ANKMY1: variants seen among roughly 807,000 people sequenced by gnomAD.
ANKMY1 encodes ankyrin repeat and MYND domain-containing protein 1.
In ANKMY1, 98 loss-of-function variants were observed where a neutral mutation model predicts 102.0. The ratio of observed to expected loss-of-function variants is 0.96; its 90% CI spans 0.82 to 1.14. The LOEUF is 1.14. Ranked by LOEUF, ANKMY1 falls within the 50% of genes most tolerant of loss-of-function variation. The probability of loss-of-function intolerance (pLI) is 0.00; values close to 1 mark genes in which losing one functional copy is unlikely to be tolerated. For synonymous variants in ANKMY1, 582 were observed against 559.9 expected (o/e 1.04, Z -0.56); for missense variants, 1,330 against 1,347.6 (o/e 0.99, Z 0.20).
intron 4 of ANKMY1, among the ~76,000 whole-genome samples, chr2:240,536,256 A>G (rs529486719): frequency 6.6e-6 from 1 of 152,358 alleles, no homozygotes; most frequent in African/African-American, 2.4e-5. Flanking sequence ...TAGAATATCA[A>G]TAAGTGAGAA....
chr2:240,557,505 G>T (rs1455414004), intron 1 of ANKMY1, 153 bp from the exon 2 acceptor site: 1 of 813,260 alleles, frequency 1.2e-6, no homozygotes, highest in African/African-American at 1.8e-5. Flanking sequence ...CACAGGTCCC[G>T]GACCACCATC....
chr2:240,507,993 C>T (rs1020270452), intron 12 of ANKMY1, among the ~76,000 whole-genome samples: 3 of 152,228 alleles, frequency 2.0e-5, no homozygotes, highest in Non-Finnish European at 2.9e-5. Flanking sequence ...GATTCTCCAG[C>T]GTGGTTCCCA....
the ANKMY1 span, among the ~76,000 whole-genome samples, chr2:240,468,939 G>A: frequency 6.6e-6 from 1 of 152,188 alleles, no homozygotes; most frequent in African/African-American, 2.4e-5. Context: ...GGTAGCCACG[G>A]TCCTCACTTG....
intron 14 of ANKMY1, 63 bp downstream of exon 14, chr2:240,500,389 A>G (rs1177779927): frequency 6.7e-7 from 1 of 1,502,016 alleles, no homozygotes; most frequent in African/African-American, 1.4e-5. Context: ...CTAATGCCCC[A>G]GCCGGGGGCC....
In ANKMY1 at chr2:240,512,823, G is replaced by A. The variant is rs199599373; in HGVS notation, c.2124C>T (p.Asp708=). Residue 708 remains aspartate, a synonymous_variant, in exon 10 of 18, where the codon GAC becomes GAT. Transcript: ENST00000401804. ...ACACCTTGCCGGGCTTGTAAGTGTC[G>A]TCCTCGTCGGATGCCTTGGCGTCCA... ...TDVDAKASDE[D]DTYKPGKLDL... is the part of the protein sequence containing the mutation. The A allele has an allele frequency of 4.6e-5, 75 of 1,613,966 alleles. No individual in the cohort carries two copies. The African/African-American group carries it at 5.1e-4, about 11-fold the overall frequency.
intron 9 of ANKMY1, among the ~76,000 whole-genome samples, chr2:240,517,502 G>A (rs2081391712): frequency 2.6e-5 from 4 of 152,130 alleles, no homozygotes. Context: ...GCCAACTTAG[G>A]ATAGCCTGTA....
At chr2:240,550,066 C>T (rs1490150880) in intron 4 of ANKMY1, among the ~76,000 whole-genome samples, 5 of 151,762 alleles carry the variant, frequency 3.3e-5, no homozygotes, top group South Asian at 4.2e-4. Flanking sequence ...CACATGCACA[C>T]GTATGTTTAT....
chr2:240,469,075 G>A, the ANKMY1 span, among the ~76,000 whole-genome samples: 13 of 152,190 alleles, frequency 8.5e-5, no homozygotes, highest in Non-Finnish European at 1.6e-4. Context: ...GGGGACAGGT[G>A]AGCAGCCAGA....
the ANKMY1 span, among the ~76,000 whole-genome samples, chr2:240,472,304 CAG>C: frequency 3.3e-5 from 5 of 151,582 alleles, no homozygotes; most frequent in Admixed American, 2.0e-4. Flanking sequence ...TACAACTGCA[CAG>C]GCTGAAGGAG....
At chr2:240,538,984 A>T (rs1234193201) in intron 4 of ANKMY1, among the ~76,000 whole-genome samples, 3 of 152,184 alleles carry the variant, frequency 2.0e-5, no homozygotes, top group Non-Finnish European at 4.4e-5. Flanking sequence ...CAGGGATTGT[A>T]AACGCACCAA....
intron 15 of ANKMY1, among the ~76,000 whole-genome samples, chr2:240,486,707 T>C (rs893562490): frequency 2.0e-5 from 3 of 152,154 alleles, no homozygotes; most frequent in African/African-American, 7.2e-5. Context: ...AGAGACTGGG[T>C]CTCACCATGT....
intron 5 of ANKMY1, chr2:240,527,440 G>A (rs1418982326): frequency 2.2e-5 from 2 of 88,972 alleles, no homozygotes; most frequent in East Asian, 6.4e-4. Context: ...TAGATGGGTA[G>A]ATGAATGGAT....
At position 240,529,160 on chromosome 2, in the gene ANKMY1, T is replaced by C. The variant is rs1008005713; in HGVS notation, c.830A>G (p.Lys277Arg). The change falls in exon 5 of 18, where the codon AAA becomes AGA. Residue 277 changes from lysine (K) to arginine (R), a missense_variant. Transcript: ENST00000401804. The surrounding 1 kb of genome is among the most constrained non-coding windows in gnomAD (Gnocchi z 4.2). ...GAGGAAGATGCGGGCGTCCAGCTCT[T>C]TGCGGAAAGAGCTTGTCATGGGCAG... is the stretch of plus-strand genomic sequence containing the variant. Reference protein sequence around the residue: ...DHLPMTSSFRKELDARIFLNE... With the variant: ...DHLPMTSSFRRELDARIFLNE... 4.0e-5 allele frequency: 65 copies of C among 1,614,218 alleles called. No homozygotes were observed. The highest frequency in any genetic ancestry group is 5.4e-5 in the Non-Finnish European group (64 of 1,180,042).
rs150083045 is a variant in ANKMY1, at chr2:240,538,075, T to C, written c.481-8566A>G. Among the ~76,000 whole-genome samples the C allele has an allele frequency of 1.3e-4, 20 of 152,368 alleles. No homozygotes were observed. The East Asian group carries it at 3.1e-3, about 24-fold the overall frequency. Reference sequence around the variant, plus strand: ...TTGCTCAATTAAACTCCTTTAAATTTAATTTGGCTTAAGTTTTTCTTTTAA... The same window carrying C: ...TTGCTCAATTAAACTCCTTTAAATTCAATTTGGCTTAAGTTTTTCTTTTAA... On this transcript the variant is annotated intron_variant, in intron 4 of 17. Coordinates refer to ENST00000401804, the MANE Select transcript of ANKMY1 (RefSeq NM_001282771.3).
chr2:240,552,747 T>C lies in ANKMY1; in HGVS notation c.480+167A>G, dbSNP rs1220991830. On this transcript the variant is annotated intron_variant, in intron 4 of 17. Transcript: ENST00000401804. ...GGAATAAAATGCAAGGAGGCTTTTA[T>C]TTTCAGTCTATATCCTTATTATTGG... The C allele has an allele frequency of 3.8e-5, 42 of 1,093,998 alleles. No individual in the cohort carries two copies. The Middle Eastern group carries it at 1.0e-3, about 26-fold the overall frequency. The allele number at this position is 1,093,998 out of a possible 1,614,324, so 67.8% of individuals were successfully genotyped here. A position where few individuals can be genotyped will look rare whatever the true frequency, so the allele number is the denominator to read the frequency against.
chr2:240,548,055 A>C (rs2090776455), intron 4 of ANKMY1, among the ~76,000 whole-genome samples: 1 of 152,198 alleles, frequency 6.6e-6, no homozygotes, highest in Non-Finnish European at 1.5e-5. Flanking sequence ...GCAGAGACAC[A>C]ACCAAAAAAG....
downstream of ANKMY1, among the ~76,000 whole-genome samples, chr2:240,479,190 C>T (rs1361018613): frequency 6.6e-6 from 1 of 152,220 alleles, no homozygotes; most frequent in Non-Finnish European, 1.5e-5. Flanking sequence ...GTGGAGCCTG[C>T]TGCCGCGGGC....
rs34916770 is a variant in ANKMY1, at chr2:240,533,718, AACACACACACAC to A, written c.481-4221_481-4210del. On this transcript the variant is annotated intron_variant, in intron 4 of 17. Transcript: ENST00000401804. Reference sequence around the variant, plus strand: ...ACAATTATTGGGCTGGATTTCAATAAACACACACACACACACACACACACACACACACACACA... The same window carrying A: ...ACAATTATTGGGCTGGATTTCAATAAACACACACACACACACACACACACA... Among the ~76,000 whole-genome samples the A allele has an allele frequency of 1.3e-4, 19 of 145,634 alleles. No homozygotes were observed. In the South Asian group the frequency reaches 2.7e-3, roughly 21 times the overall value.
Position 240,554,921 on chromosome 2 carries a change from TC to T in ANKMY1, c.280del (p.Glu94SerfsTer4), listed in dbSNP as rs1321860716. 1 of 1,613,730 alleles carries T rather than the reference TC, an allele frequency of 6.2e-7. No homozygotes were observed. Among genetic ancestry groups the T allele is most frequent in the Non-Finnish European group, 8.5e-7 (1 of 1,179,956 alleles). ...EWQDGCMYQG[E>X]FGLNMKLGYG... is the part of the protein sequence containing the mutation. ...TCCAAGCTTCATGTTCAACCCAAACTCCCCCTGGTACATGCAACCATCCTGC... is the reference window on the plus strand; with the variant it reads ...TCCAAGCTTCATGTTCAACCCAAACTCCCCTGGTACATGCAACCATCCTGC... On this transcript the variant is annotated frameshift_variant, in exon 3 of 18. Coordinates refer to ENST00000401804, the MANE Select transcript of ANKMY1 (RefSeq NM_001282771.3). LOFTEE classifies it high-confidence loss of function.
Sources: gnomAD v4.1 joint callset for allele counts (sites outside exome capture counted in the v4.1 genomes callset) on GRCh38, gnomAD v4.1.1 for gene constraint, Gnocchi (gnomAD v3.1) non-coding constraint, MANE v1.5 for transcripts, NCBI Gene and HGNC (gene_info 2026-07-23, HGNC 2026-07-21) for gene names.